The following VSTM4 variants were observed in gnomAD, a reference collection of about 807,000 sequenced individuals.
VSTM4 encodes V-set and transmembrane domain containing 4, also known as V-set and transmembrane domain-containing protein 4.
In VSTM4, 20 loss-of-function variants were observed where a neutral mutation model predicts 36.4. The ratio of observed to expected loss-of-function variants is 0.55; its 90% confidence interval spans 0.39 to 0.80. The LOEUF is 0.80. VSTM4 is among the 30% of genes least tolerant of loss of function. The pLI is 0.00. For synonymous variants in VSTM4, 182 were observed against 173.9 expected (o/e 1.05, Z -0.37); for missense variants, 392 against 404.5 (o/e 0.97, Z 0.26).
intron 2 of VSTM4, among the ~76,000 whole-genome samples, chr10:49,092,251 G>A (rs1251782638): frequency 1.3e-5 from 2 of 152,212 alleles, no homozygotes; most frequent in Non-Finnish European, 2.9e-5. Context: ...TTGGGACTCT[G>A]CCTGAAGAGG....
At chr10:49,103,763 G>T (rs774297370) in intron 2 of VSTM4, 2 of 1,613,950 alleles carry the variant, frequency 1.2e-6, no homozygotes, top group African/African-American at 2.7e-5. Flanking sequence ...GCAGGAAGGA[G>T]GCCATGGTTA....
intron 3 of VSTM4, among the ~76,000 whole-genome samples, chr10:49,082,829 A>C (rs1226014916): frequency 6.6e-6 from 1 of 152,260 alleles, no homozygotes; most frequent in Non-Finnish European, 1.5e-5. Flanking sequence ...ACTCAACTGC[A>C]AGCTGCCATG....
At chr10:49,101,657 T>C (rs555550636) in intron 2 of VSTM4, among the ~76,000 whole-genome samples, 1 of 152,340 alleles carries the variant, frequency 6.6e-6, no homozygotes, top group African/African-American at 2.4e-5. Context: ...AGTATAAATT[T>C]GTAAAGTCTT....
In VSTM4 at chr10:49,086,032, CA is replaced by C; in HGVS notation, c.458-10del. The C allele has an allele frequency of 2.5e-6, 4 of 1,570,780 alleles. No individual in the cohort carries two copies. The highest frequency in any genetic ancestry group is 2.4e-5 in the South Asian group (2 of 83,204). ...AGCTTTGAGGGAAATGACTGAAAGACAAAAAAGAAACAGCACAGTATGAAAA... is the reference window on the plus strand; with the variant it reads ...AGCTTTGAGGGAAATGACTGAAAGACAAAAAGAAACAGCACAGTATGAAAA... On this transcript the variant is annotated splice_polypyrimidine_tract_variant and intron_variant, in intron 2 of 7. Coordinates refer to ENST00000332853, the MANE Select transcript of VSTM4 (RefSeq NM_001031746.5).
chr10:49,030,020 T>A (rs559058066), intron 7 of VSTM4, among the ~76,000 whole-genome samples: 1 of 152,090 alleles, frequency 6.6e-6, no homozygotes, highest in Non-Finnish European at 1.5e-5. Context: ...CTGGGTGGCA[T>A]GGGATGCAGC....
chr10:49,092,890 G>A (rs1364415328), intron 2 of VSTM4, among the ~76,000 whole-genome samples: 3 of 152,130 alleles, frequency 2.0e-5, no homozygotes, highest in Non-Finnish European at 2.9e-5. Context: ...TGGTATGTAG[G>A]CAGGACATCG....
chr10:49,058,771 A>C (rs1485672094), intron 5 of VSTM4, among the ~76,000 whole-genome samples: 1 of 152,226 alleles, frequency 6.6e-6, no homozygotes, highest in Admixed American at 6.5e-5. Context: ...CAGAGCCAGC[A>C]CATGGTCTCT....
intron 1 of VSTM4, among the ~76,000 whole-genome samples, chr10:49,109,683 G>A (rs1590141285): frequency 6.6e-6 from 1 of 152,160 alleles, no homozygotes; most frequent in Admixed American, 6.5e-5. Flanking sequence ...GAAGAAAAAG[G>A]GTTAAGGCTC....
intron 1 of VSTM4, among the ~76,000 whole-genome samples, chr10:49,108,541 C>T (rs71500267): frequency 0.027 from 4,060 of 152,298 alleles, 86 homozygotes; most frequent in Non-Finnish European, 0.033. Context: ...TCCCTGACTC[C>T]GCTATTTCAA....
intron 7 of VSTM4, among the ~76,000 whole-genome samples, chr10:49,031,415 C>T (rs1043464930): frequency 2.0e-5 from 3 of 152,162 alleles, no homozygotes; most frequent in Non-Finnish European, 2.9e-5. Flanking sequence ...ACCTGGTAGG[C>T]ATACAGTAAA....
chr10:49,093,995 C>T (rs1379814971), intron 2 of VSTM4, among the ~76,000 whole-genome samples: 1 of 152,166 alleles, frequency 6.6e-6, no homozygotes, highest in African/African-American at 2.4e-5. Flanking sequence ...GATCCACCCA[C>T]CTCGGCCTCC....
At chr10:49,088,869 T>C (rs182085793) in intron 2 of VSTM4, among the ~76,000 whole-genome samples, 3 of 152,312 alleles carry the variant, frequency 2.0e-5, no homozygotes, top group East Asian at 3.9e-4. Context: ...AGGCCAAGGA[T>C]ACCCATCATG....
chr10:49,094,093 G>T (rs1844528291), intron 2 of VSTM4, among the ~76,000 whole-genome samples: 3 of 152,156 alleles, frequency 2.0e-5, no homozygotes, highest in Admixed American at 2.0e-4. Flanking sequence ...TGATACAGTG[G>T]GGTAAGTACA....
intron 6 of VSTM4, among the ~76,000 whole-genome samples, chr10:49,047,590 G>A (rs148078073): frequency 2.6e-5 from 4 of 152,332 alleles, no homozygotes; most frequent in Admixed American, 6.5e-5. Context: ...TAGTAAGGGT[G>A]GGTAATATCT....
chr10:49,028,700 T>C (rs1365966589), intron 7 of VSTM4, among the ~76,000 whole-genome samples: 1 of 152,216 alleles, frequency 6.6e-6, no homozygotes, highest in Non-Finnish European at 1.5e-5. Flanking sequence ...ACAACACTTT[T>C]TCACAGAGAT....
At chr10:49,108,993 G>A (rs1844844170) in intron 1 of VSTM4, among the ~76,000 whole-genome samples, 1 of 152,132 alleles carries the variant, frequency 6.6e-6, no homozygotes, top group African/African-American at 2.4e-5. Context: ...TGGCAGGCAG[G>A]GCCCGAGAAA....
intron 5 of VSTM4, among the ~76,000 whole-genome samples, chr10:49,052,635 C>T (rs553524152): frequency 2.6e-5 from 4 of 152,266 alleles, no homozygotes; most frequent in African/African-American, 9.6e-5. Context: ...AATCTTTTGA[C>T]ATTTTCCTTT....
chr10:49,089,108 T>C (rs1564590051), intron 2 of VSTM4, among the ~76,000 whole-genome samples: 1 of 152,244 alleles, frequency 6.6e-6, no homozygotes, highest in South Asian at 2.1e-4. Flanking sequence ...TGTCCTTGGA[T>C]AAGTCACTTA....
intron 3 of VSTM4, among the ~76,000 whole-genome samples, chr10:49,082,952 G>T (rs769421288): frequency 5.3e-5 from 8 of 152,154 alleles, no homozygotes; most frequent in Non-Finnish European, 8.8e-5. Context: ...GCCAGCTCCC[G>T]CCCTCCCAAA....
Sources: gnomAD v4.1 joint callset for allele counts (sites outside exome capture counted in the v4.1 genomes callset) on GRCh38, gnomAD v4.1.1 for gene constraint, MANE v1.5 for transcripts, NCBI Gene and HGNC (gene_info 2026-07-23, HGNC 2026-07-21) for gene names.